The following ARNT2 variants were observed in gnomAD, a reference collection of about 807,000 sequenced individuals.
ARNT2 encodes the protein ARNT protein 2.
A neutral mutation model predicts 91.7 loss-of-function variants in ARNT2; 36 were observed. The observed-to-expected ratio is 0.39, with a 90% CI of 0.30 to 0.52. The LOEUF (loss-of-function observed/expected upper bound fraction) is 0.52, where lower values mean the gene tolerates loss of function less well. Ranked by LOEUF, ARNT2 falls within the 20% of genes least tolerant of loss-of-function variation. The probability of loss-of-function intolerance (pLI) is 0.72; values close to 1 mark genes in which losing one functional copy is unlikely to be tolerated. For missense variants in ARNT2, 775 were observed against 939.3 expected, an observed-to-expected ratio of 0.83 and a Z score of 2.29; for synonymous variants, 365 against 347.1, an observed-to-expected ratio of 1.05 and a Z score of -0.57.
chr15:80,468,956 C>T (rs900708412), intron 3 of ARNT2, among the ~76,000 whole-genome samples: 1 of 152,208 alleles, frequency 6.6e-6, no homozygotes, highest in African/African-American at 2.4e-5. Context: ...ACTGGCACGT[C>T]TGTTCCCCAA....
At chr15:80,551,007 A>G in intron 8 of ARNT2, 192 bp from the exon 9 acceptor site, 1 of 568,522 alleles carries the variant, frequency 1.8e-6, no homozygotes, top group East Asian at 2.9e-5. Context: ...GTACCATAAA[A>G]TTATCAAAAG....
At chr15:80,429,813 T>A (rs1261898102) in intron 1 of ARNT2, among the ~76,000 whole-genome samples, 1 of 152,006 alleles carries the variant, frequency 6.6e-6, no homozygotes, top group Non-Finnish European at 1.5e-5. Context: ...TTGGTTAGTT[T>A]GAGAAAAAAG....
intron 1 of ARNT2, among the ~76,000 whole-genome samples, chr15:80,420,367 G>T (rs1486271039): frequency 6.6e-6 from 1 of 152,122 alleles, no homozygotes. Flanking sequence ...CAGATCATGT[G>T]ACACAAAGCC....
intron 5 of ARNT2, among the ~76,000 whole-genome samples, chr15:80,498,861 G>T (rs1325119552): frequency 6.6e-6 from 1 of 152,092 alleles, no homozygotes; most frequent in African/African-American, 2.4e-5. Context: ...TGTTCGGTGG[G>T]TGCCGTCTTA....
At chr15:80,516,859 A>G (rs1234017042) in intron 8 of ARNT2, among the ~76,000 whole-genome samples, 4 of 143,632 alleles carry the variant, frequency 2.8e-5, no homozygotes, top group Non-Finnish European at 6.1e-5. Flanking sequence ...ATATATATCC[A>G]TGTTCAAAAA....
At chr15:80,475,256 C>A (rs375323517) in intron 5 of ARNT2, 33 bp downstream of exon 5, 43 of 1,608,096 alleles carry the variant, frequency 2.7e-5, no homozygotes, top group Non-Finnish European at 3.6e-5. Context: ...GGCTGTTTGA[C>A]TCTAGAAAAC....
At chr15:80,484,980 G>A (rs1344131718) in intron 5 of ARNT2, among the ~76,000 whole-genome samples, 1 of 152,186 alleles carries the variant, frequency 6.6e-6, no homozygotes, top group African/African-American at 2.4e-5. Flanking sequence ...AAACAATAAC[G>A]CATCTCCTAC....
rs1898690187 is a variant in ARNT2 at position 80,577,074 on chromosome 15, T to G, written c.1613+109T>G. The G allele has an allele frequency of 1.8e-6, 2 of 1,094,672 alleles. 1 individual carries two copies. Among genetic ancestry groups the G allele is most frequent in the South Asian group, 2.8e-5 (2 of 72,630 alleles). The allele number at this position is 1,094,672 out of a possible 1,614,324, so 67.8% of individuals were successfully genotyped here. On this transcript the variant is annotated intron_variant, in intron 15 of 18. Coordinates refer to ENST00000303329, the MANE Select transcript of ARNT2 (RefSeq NM_014862.4). ...GCTGTAAGCATGAGTTAGTGGTTAC[T>G]GGCGCTCAGGCCTTGGACTAAACTG...
At position 80,508,384 on chromosome 15, in the gene ARNT2, T is replaced by C. The variant is rs550947116; in HGVS notation, c.725+126T>C. The C allele has an allele frequency of 1.0e-4, 83 of 801,188 alleles. No individual in the cohort carries two copies. The Middle Eastern group carries it at 1.1e-3, about 10-fold the overall frequency. 49.6% of individuals were successfully genotyped at this position (801,188 alleles called of 1,614,324 possible). On this transcript the variant is annotated intron_variant, in intron 6 of 18. Transcript: ENST00000303329. The stretch of plus-strand genomic sequence containing the variant: ...ACGTGGGTTCACTCCAGGGACTTCG[T>C]CTTCTTGACCTCAGCATGCAGATAT...
Position 80,450,922 on chromosome 15 carries a change from C to T in ARNT2, c.74C>T (p.Ala25Val). 6.2e-7 allele frequency: 1 copy of T among 1,614,174 alleles called. No individual in the cohort carries two copies. The highest frequency in any genetic ancestry group is 1.3e-5 in the African/African-American group (1 of 75,038). Residue 25 changes from alanine to valine, a missense_variant, in exon 2 of 19, where the codon GCC becomes GTC. Physicochemically the swap from Ala to Val is moderately conservative, Grantham distance 64. Coordinates refer to ENST00000303329, the MANE Select transcript of ARNT2 (RefSeq NM_014862.4). The stretch of plus-strand genomic sequence containing the variant: ...CCTGGATCTGTGACGTTGCCCGTTG[C>T]CCCCATGGCGGCCACCGGACAGGTG... ...DIPGSVTLPV[A>V]PMAATGQVRM...
chr15:80,470,092 A>G, intron 3 of ARNT2, 126 bp from the exon 4 acceptor site: 1 of 953,400 alleles, frequency 1.0e-6, no homozygotes, highest in Non-Finnish European at 1.6e-6. Flanking sequence ...CAAAGCACTC[A>G]GCTGTTAGGT....
At chr15:80,427,298 C>T (rs1391890609) in intron 1 of ARNT2, among the ~76,000 whole-genome samples, 1 of 152,104 alleles carries the variant, frequency 6.6e-6, no homozygotes, top group Non-Finnish European at 1.5e-5. Flanking sequence ...TTTGTGTCTC[C>T]CATCTGTCTC....
chr15:80,478,435 TC>T (rs1270002290), intron 5 of ARNT2, among the ~76,000 whole-genome samples: 4 of 152,206 alleles, frequency 2.6e-5, no homozygotes, highest in Non-Finnish European at 4.4e-5. Context: ...GACAGAAATG[TC>T]CTCGGAGTGG....
chr15:80,576,887 C>T lies in ARNT2; in HGVS notation c.1535C>T (p.Ser512Leu), dbSNP rs1430364177. Residue 512 changes from serine (S) to leucine (L), a missense_variant, in exon 15 of 19, where the codon TCA becomes TTA. By Grantham distance (145) the Ser-to-Leu change is moderately radical. Transcript: ENST00000303329. ...CTAGCGGAGAAGAAGATGATGAGCT[C>T]AGCCTCTGCAGCAGGAACCCAGCAG... ...ISASEKKMMSSASAAGTQQIY... is the reference protein window; with the variant it reads ...ISASEKKMMSLASAAGTQQIY... 6.2e-7 allele frequency: 1 copy of T among 1,614,100 alleles called. No homozygotes were observed. The highest frequency in any genetic ancestry group is 8.5e-7 in the Non-Finnish European group (1 of 1,180,028).
intron 5 of ARNT2, among the ~76,000 whole-genome samples, chr15:80,504,905 G>A (rs937885549): frequency 2.0e-5 from 3 of 152,166 alleles, no homozygotes; most frequent in Admixed American, 6.5e-5. Context: ...AGGGGCCTGC[G>A]TGGAGTGGTG....
At chr15:80,407,460 C>G (rs1567171909) in intron 1 of ARNT2, among the ~76,000 whole-genome samples, 1 of 152,188 alleles carries the variant, frequency 6.6e-6, no homozygotes, top group Non-Finnish European at 1.5e-5. Context: ...ATTCTACCAG[C>G]TACTCTGGGA....
chr15:80,588,633 G>A (rs529681820), intron 17 of ARNT2, among the ~76,000 whole-genome samples: 23 of 152,142 alleles, frequency 1.5e-4, no homozygotes, highest in African/African-American at 4.8e-4. Flanking sequence ...GTAGATGCCC[G>A]GATGAACCAA....
chr15:80,475,585 T>G, intron 5 of ARNT2: 1 of 176,662 alleles, frequency 5.7e-6, no homozygotes, highest in South Asian at 1.3e-4. Context: ...AAAAAATTAT[T>G]TTAGTAAACA....
intron 8 of ARNT2, among the ~76,000 whole-genome samples, chr15:80,543,826 C>T (rs1032417195): frequency 7.9e-5 from 12 of 152,214 alleles, no homozygotes; most frequent in South Asian, 2.1e-4. Context: ...CTGCAATCTC[C>T]GCCTCCCACG....
Sources: allele counts gnomAD v4.1 joint callset (sites outside exome capture counted in the v4.1 genomes callset), GRCh38; gene constraint gnomAD v4.1.1; transcripts MANE v1.5; gene names NCBI Gene and HGNC (gene_info 2026-07-23, HGNC 2026-07-21).